ZNF382: variants seen among roughly 807,000 people sequenced by gnomAD.
The protein encoded by ZNF382 is zinc finger protein 382.
Under a neutral mutation model 38.8 loss-of-function variants are expected in ZNF382, and 20 were observed. The ratio of observed to expected loss-of-function variants is 0.51; its 90% CI spans 0.36 to 0.75. The LOEUF (loss-of-function observed/expected upper bound fraction) is 0.75, where lower values mean the gene tolerates loss of function less well. ZNF382 is among the 30% of genes least tolerant of loss of function. ZNF382 has a pLI of 0.00. For missense variants in ZNF382, 546 were observed against 654.1 expected (o/e 0.83, Z 1.80); for synonymous variants, 202 against 223.1 (o/e 0.91, Z 0.84).
Position 36,627,134 on chromosome 19 carries a change from T to A in ZNF382, c.1237T>A (p.Cys413Ser). ...AGAGAAACCGTATCAGTGTAATGAG[T>A]GTGGGAAGGCATTTATCCAGAAGAC... ...TGEKPYQCNE[C>S]GKAFIQKTTL... The change falls in exon 5 of 5, where the codon TGT (cysteine) becomes AGT (serine). Residue 413 changes from cysteine (C) to serine (S), a missense_variant. By Grantham distance (112) the Cys-to-Ser change is moderately radical (BLOSUM62 -1). Coordinates refer to ENST00000292928, the MANE Select transcript of ZNF382 (RefSeq NM_032825.5). 6.2e-7 allele frequency: 1 copy of A among 1,613,942 alleles called. No individual in the cohort carries two copies. The highest frequency in any genetic ancestry group is 8.5e-7 in the Non-Finnish European group (1 of 1,179,998).
In ZNF382 at chr19:36,626,542, T is replaced by C; in HGVS notation, c.645T>C (p.Asn215=). Residue 215 remains asparagine, a synonymous_variant, in exon 5 of 5, where the codon AAT becomes AAC. Transcript: ENST00000292928. ...CTCCAGAGCAACCATTTGACCATAA[T>C]GAATGTGAAAAATCCTTCCTGATGA... is the stretch of plus-strand genomic sequence containing the variant. ...VQAPEQPFDH[N]ECEKSFLMKG... 1.4e-5 allele frequency: 23 copies of C among 1,613,282 alleles called. No homozygotes were observed. Among genetic ancestry groups the C allele is most frequent in the Non-Finnish European group, 1.9e-5 (23 of 1,179,802 alleles).
intron 4 of ZNF382, 81 bp from the exon 5 acceptor site, chr19:36,626,049 C>A (rs1432046638): frequency 8.1e-6 from 8 of 987,998 alleles, no homozygotes; most frequent in Non-Finnish European, 9.8e-6. Flanking sequence ...GTGAGATAGT[C>A]CCACCATAGT....
Position 36,605,344 on chromosome 19 carries a change from C to T in ZNF382, c.-88C>T, listed in dbSNP as rs1250370794. ...GACTCACCCTGGGCCGGGGGTGAGG[C>T]TTGGTGGGTGCCAGGGGTGCTGAGG... On this transcript the variant is annotated 5_prime_UTR_variant, in exon 1 of 5. Coordinates refer to ENST00000292928, the MANE Select transcript of ZNF382 (RefSeq NM_032825.5). 3 of 152,740 alleles carry T rather than the reference C, an allele frequency of 2.0e-5. No homozygotes were observed. The highest frequency in any genetic ancestry group is 7.2e-5 in the African/African-American group (3 of 41,478). 9.5% of individuals were successfully genotyped at this position (152,740 alleles called of 1,614,324 possible).
chr19:36,625,548 A>AT, intron 4 of ZNF382, among the ~76,000 whole-genome samples: 1 of 123,254 alleles, frequency 8.1e-6, no homozygotes, highest in South Asian at 2.6e-4. Flanking sequence ...CTGCTCACTT[A>AT]TCTTTTTTTT....
At chr19:36,611,533 TATTC>T (rs1299612673) in intron 4 of ZNF382, among the ~76,000 whole-genome samples, 1 of 152,206 alleles carries the variant, frequency 6.6e-6, no homozygotes, top group Non-Finnish European at 1.5e-5. Flanking sequence ...ATATTTTGCT[TATTC>T]ATTCATCCGT....
intron 1 of ZNF382, chr19:36,605,588 G>C (rs1371969276): frequency 6.6e-6 from 1 of 152,246 alleles, no homozygotes; most frequent in Non-Finnish European, 1.5e-5. Context: ...CGAGCTCCGC[G>C]AAGGGGGATT....
intron 4 of ZNF382, among the ~76,000 whole-genome samples, chr19:36,619,355 G>A (rs1425579538): frequency 6.6e-6 from 1 of 152,174 alleles, no homozygotes; most frequent in Admixed American, 6.5e-5. Flanking sequence ...AAAGGATGTG[G>A]AAAGGGTGGT....
intron 1 of ZNF382, 116 bp downstream of exon 1, chr19:36,605,463 G>GGA (rs2037010160): frequency 6.6e-6 from 1 of 152,608 alleles, no homozygotes; most frequent in Non-Finnish European, 1.5e-5. Context: ...AAGAGTCCGA[G>GGA]CCGGGCCTGG....
chr19:36,627,409 A>G lies in ZNF382; in HGVS notation c.1512A>G (p.Lys504=). ...CPQCGKAFSR[K]SNLIRHQKTH... ...AGTGTGGGAAAGCCTTCAGTAGGAA[A>G]TCAAACCTCATTCGCCATCAGAAAA... is the stretch of plus-strand genomic sequence containing the variant. The change falls in exon 5 of 5, where the codon AAA becomes AAG. Residue 504 remains lysine, a synonymous_variant. Transcript: ENST00000292928. 6.2e-7 allele frequency: 1 copy of G among 1,614,062 alleles called. No individual in the cohort carries two copies. Among genetic ancestry groups the G allele is most frequent in the Middle Eastern group, 1.6e-4 (1 of 6,062 alleles).
chr19:36,624,985 T>G (rs2037198200), intron 4 of ZNF382, among the ~76,000 whole-genome samples: 1 of 150,466 alleles, frequency 6.6e-6, no homozygotes, highest in Non-Finnish European at 1.5e-5. Flanking sequence ...GGAGGATTGC[T>G]TGAATCCAGG....
In ZNF382 at chr19:36,626,451, T is replaced by C. The variant is rs2037213992; in HGVS notation, c.554T>C (p.Leu185Pro). Residue 185 changes from leucine (L) to proline (P), a missense_variant, in exon 5 of 5, where the codon CTC becomes CCC. Transcript: ENST00000292928. ...GAGAAAATTCATCCTGCAGTGAATCTCCATAAACAAACAGAAAGAGTTCTC... is the reference window on the plus strand; with the variant it reads ...GAGAAAATTCATCCTGCAGTGAATCCCCATAAACAAACAGAAAGAGTTCTC... ...KHEKIHPAVN[L>P]HKQTERVLSG... The C allele has an allele frequency of 3.7e-6, 6 of 1,606,890 alleles. No individual in the cohort carries two copies. Among genetic ancestry groups the C allele is most frequent in the Non-Finnish European group, 5.1e-6 (6 of 1,177,794 alleles).
intron 4 of ZNF382, among the ~76,000 whole-genome samples, chr19:36,620,095 A>T (rs1432674157): frequency 6.6e-6 from 1 of 152,046 alleles, no homozygotes; most frequent in Admixed American, 6.6e-5. Context: ...TCTCCCTCAT[A>T]GTTTTCACTT....
At chr19:36,618,449 TC>T (rs1342482293) in intron 4 of ZNF382, among the ~76,000 whole-genome samples, 3 of 152,192 alleles carry the variant, frequency 2.0e-5, no homozygotes, top group Non-Finnish European at 4.4e-5. Flanking sequence ...TTTTGACTTC[TC>T]CATTCCCAGA....
intron 4 of ZNF382, among the ~76,000 whole-genome samples, chr19:36,612,229 A>C (rs1025951556): frequency 2.0e-5 from 3 of 152,080 alleles, no homozygotes; most frequent in Admixed American, 1.3e-4. Context: ...AACCTTTTTC[A>C]TGTCTGCTTT....
intron 1 of ZNF382, among the ~76,000 whole-genome samples, chr19:36,606,764 C>T (rs540105752): frequency 3.3e-5 from 5 of 152,168 alleles, no homozygotes; most frequent in African/African-American, 1.2e-4. Context: ...TAAGTCCAGT[C>T]TCACTGTAGT....
chr19:36,612,080 G>T (rs547357790), intron 4 of ZNF382, among the ~76,000 whole-genome samples: 2 of 152,122 alleles, frequency 1.3e-5, no homozygotes, highest in East Asian at 1.9e-4. Flanking sequence ...ATAAACCCAC[G>T]TATCTCACAC....
chr19:36,626,167 C>A lies in ZNF382; in HGVS notation c.270C>A (p.Phe90Leu). The change falls in exon 5 of 5, where the codon TTC becomes TTA. Residue 90 changes from phenylalanine to leucine, a missense_variant. Transcript: ENST00000292928. ...DGKTEDVLVK[F>L]KEYQDRHSRP... ...AAACTGAAGATGTCTTAGTGAAGTTCAAAGAATACCAAGACAGGCATTCTA... is the reference window on the plus strand; with the variant it reads ...AAACTGAAGATGTCTTAGTGAAGTTAAAAGAATACCAAGACAGGCATTCTA... The A allele has an allele frequency of 1.3e-6, 2 of 1,565,768 alleles. No individual in the cohort carries two copies. The highest frequency in any genetic ancestry group is 1.2e-5 in the South Asian group (1 of 82,344).
chr19:36,614,250 G>A (rs1023046662), intron 4 of ZNF382, among the ~76,000 whole-genome samples: 3 of 152,174 alleles, frequency 2.0e-5, no homozygotes, highest in Non-Finnish European at 4.4e-5. Flanking sequence ...TGAGGCAGGA[G>A]AATTGCTTGA....
intron 4 of ZNF382, among the ~76,000 whole-genome samples, chr19:36,611,222 G>A (rs868216006): frequency 1.3e-5 from 2 of 151,972 alleles, no homozygotes; most frequent in South Asian, 2.1e-4. Flanking sequence ...CCTGGGAGGC[G>A]GAGGTTGCAG....
Sources: allele counts gnomAD v4.1 joint callset (sites outside exome capture counted in the v4.1 genomes callset), GRCh38; gene constraint gnomAD v4.1.1; transcripts MANE v1.5; gene names NCBI Gene and HGNC (gene_info 2026-07-23, HGNC 2026-07-21).